The following MAGEC3 variants were observed in gnomAD, a reference collection of about 807,000 sequenced individuals.
The protein encoded by MAGEC3 is MAGE family member C3.
MAGEC3 carries 34 observed loss-of-function variants against 35.3 expected under a neutral mutation model. That is an observed-to-expected ratio of 0.96 (90% CI 0.73 to 1.28). The LOEUF is 1.28. Ranked by LOEUF, MAGEC3 falls within the 50% of genes most tolerant of loss-of-function variation. The pLI is 0.00. For synonymous variants in MAGEC3, 202 were observed against 185.6 expected, an observed-to-expected ratio of 1.09 and a Z score of -0.72; for missense variants, 561 against 483.6, an observed-to-expected ratio of 1.16 and a Z score of -1.50.
At position 141,897,024 on chromosome X, in the gene MAGEC3, T is replaced by G; in HGVS notation, c.1266T>G (p.Pro422=). The stretch of plus-strand genomic sequence containing the variant: ...GTCCTCTAGACTCCTGCTCATCCCC[T>G]CTTTTGTGGACCCGATTGGATGAGG... ...PQSPLDSCSS[P]LLWTRLDEES... Residue 422 remains proline, a synonymous_variant, in exon 7 of 8, where the codon CCT becomes CCG. Transcript: ENST00000298296. The G allele has an allele frequency of 4.1e-6, 5 of 1,211,079 alleles. No homozygotes were observed. The highest frequency in any genetic ancestry group is 5.6e-6 in the Non-Finnish European group (5 of 895,247).
At chrX:141,874,732 T>G (rs1360529185) in intron 2 of MAGEC3, among the ~76,000 whole-genome samples, 1 of 109,672 alleles carries the variant, frequency 9.1e-6, no homozygotes, top group Non-Finnish European at 1.9e-5. Context: ...GTACCCTCAG[T>G]CATTGCTGAT....
intron 4 of MAGEC3, among the ~76,000 whole-genome samples, chrX:141,884,436 G>T (rs959883324): frequency 9.0e-5 from 10 of 111,251 alleles, no homozygotes; most frequent in African/African-American, 3.3e-4. Flanking sequence ...GGGACCTCAC[G>T]ATCATGGGAG....
At chrX:141,885,059 A>T (rs373471590) in intron 4 of MAGEC3, among the ~76,000 whole-genome samples, 3 of 111,756 alleles carry the variant, frequency 2.7e-5, no homozygotes, top group Non-Finnish European at 5.6e-5. Context: ...GCCAGGCAAG[A>T]TAGTGTTGCT....
At chrX:141,847,889 A>G (rs925198956) in intron 1 of MAGEC3, among the ~76,000 whole-genome samples, 32 of 111,327 alleles carry the variant, frequency 2.9e-4, no homozygotes, top group Non-Finnish European at 1.9e-4. Context: ...AAGAAAAAAC[A>G]AAGTAAATAC....
At chrX:141,883,315 A>G (rs968941115) in intron 4 of MAGEC3, among the ~76,000 whole-genome samples, 1 of 112,430 alleles carries the variant, frequency 8.9e-6, no homozygotes, top group Non-Finnish European at 1.9e-5. Flanking sequence ...GGGCAACTGT[A>G]AGCAAGGGCT....
rs1444869639 is a variant in MAGEC3, at chrX:141,838,785, C to T, written c.123+347C>T. On this transcript the variant is annotated intron_variant, in intron 1 of 7. Coordinates refer to ENST00000298296, the MANE Select transcript of MAGEC3 (RefSeq NM_138702.1). The stretch of plus-strand genomic sequence containing the variant: ...AAAGCAGCAGCCCACGCCTTCGTCC[C>T]ACCTCTGCACCAGATGCTGTAGTCT... The T allele has an allele frequency of 5.3e-6, 4 of 751,625 alleles. No homozygotes were observed. The African/African-American group carries it at 9.3e-5, about 18-fold the overall frequency. The allele number at this position is 751,625 out of a possible 1,213,427, so 61.9% of individuals were successfully genotyped here. A position where few individuals can be genotyped will look rare whatever the true frequency, so the allele number is the denominator to read the frequency against.
chrX:141,868,678 A>T (rs1212651363), intron 2 of MAGEC3, among the ~76,000 whole-genome samples: 1 of 109,421 alleles, frequency 9.1e-6, no homozygotes, highest in Non-Finnish European at 1.9e-5. Context: ...AGTTGGGCAA[A>T]TTTTTTTTCT....
intron 4 of MAGEC3, among the ~76,000 whole-genome samples, chrX:141,886,014 T>A (rs1328852224): frequency 9.0e-6 from 1 of 111,093 alleles, no homozygotes. Flanking sequence ...AACTAAAAAA[T>A]TTAAATGCAA....
intron 4 of MAGEC3, 63 bp from the exon 5 acceptor site, chrX:141,895,206 G>C: frequency 8.9e-7 from 1 of 1,120,263 alleles, no homozygotes; most frequent in Non-Finnish European, 1.2e-6. Context: ...GAAGGAGGCG[G>C]AGAGGTGGGG....
At chrX:141,859,127 CA>C (rs1463438759) in intron 1 of MAGEC3, among the ~76,000 whole-genome samples, 1 of 108,648 alleles carries the variant, frequency 9.2e-6, no homozygotes, top group Admixed American at 9.9e-5. Flanking sequence ...AACCCTAGAG[CA>C]TTTTGTACCT....
rs1312693256 is a variant in MAGEC3, at chrX:141,897,619, G to A, written c.1729-10G>A. On this transcript the variant is annotated splice_polypyrimidine_tract_variant and intron_variant, in intron 7 of 7. Coordinates refer to ENST00000298296, the MANE Select transcript of MAGEC3 (RefSeq NM_138702.1). ...TCCTCCACGTTATGAATTTTTGTGG[G>A]GTCCAAGAGCCCATTCAGAGGCCAG... The A allele has an allele frequency of 2.5e-6, 3 of 1,201,558 alleles. No homozygotes were observed. Among genetic ancestry groups the A allele is most frequent in the Non-Finnish European group, 3.4e-6 (3 of 891,366 alleles).
intron 2 of MAGEC3, among the ~76,000 whole-genome samples, chrX:141,869,113 T>A (rs4825037): frequency 1.8e-5 from 2 of 108,412 alleles, no homozygotes; most frequent in African/African-American, 6.7e-5. Context: ...CTCGATCTCC[T>A]GATCTCGTAA....
intron 1 of MAGEC3, among the ~76,000 whole-genome samples, chrX:141,856,727 A>G (rs1463371393): frequency 8.9e-6 from 1 of 111,905 alleles, no homozygotes; most frequent in African/African-American, 3.2e-5. Flanking sequence ...TTCAGCCATA[A>G]AAAGAAGGAA....
Position 141,881,729 on chromosome X carries a change from G to A in MAGEC3, c.842G>A (p.Ser281Asn), listed in dbSNP as rs755507489. ...AACCGCCTCCTGATTCTTATTCTGAGTGTGATCTTCATAAAGGGCAACTGT... is the reference window on the plus strand; with the variant it reads ...AACCGCCTCCTGATTCTTATTCTGAATGTGATCTTCATAAAGGGCAACTGT... Reference protein sequence around the residue: ...PQNRLLILILSVIFIKGNCAS... With the variant: ...PQNRLLILILNVIFIKGNCAS... The change falls in exon 4 of 8, where the codon AGT becomes AAT. Residue 281 changes from serine to asparagine, a missense_variant. Ser to Asn is a conservative substitution (Grantham distance 46, BLOSUM62 1). Transcript: ENST00000298296. 67 of 1,209,709 alleles carry A rather than the reference G, an allele frequency of 5.5e-5. No individual in the cohort carries two copies. Among genetic ancestry groups the A allele is most frequent in the South Asian group, 1.1e-4 (6 of 56,768 alleles).
At chrX:141,868,120 C>T (rs2017862813) in intron 2 of MAGEC3, among the ~76,000 whole-genome samples, 1 of 107,089 alleles carries the variant, frequency 9.3e-6, no homozygotes, top group African/African-American at 3.4e-5. Context: ...GAGACTCCGC[C>T]TTCAAAAAAA....
Position 141,852,685 on chromosome X carries a change from G to A in MAGEC3, c.124-12786G>A, listed in dbSNP as rs113187922. Among the ~76,000 whole-genome samples the A allele has an allele frequency of 3.7e-3, 413 of 110,477 alleles. 1 individual carries two copies. The highest frequency in any genetic ancestry group is 0.013 in the African/African-American group (385 of 30,546). ...TAGATTTGGTGAAATTTCTTTCCAC[G>A]TCTATTAAGATGATTGTTCTTTATT... On this transcript the variant is annotated intron_variant, in intron 1 of 7. Coordinates refer to ENST00000298296, the MANE Select transcript of MAGEC3 (RefSeq NM_138702.1).
intron 1 of MAGEC3, among the ~76,000 whole-genome samples, chrX:141,846,681 C>G (rs765235901): frequency 9.0e-6 from 1 of 111,167 alleles, no homozygotes; most frequent in East Asian, 2.8e-4. Context: ...TCTGGTTCAA[C>G]AATATCTCAA....
intron 2 of MAGEC3, among the ~76,000 whole-genome samples, chrX:141,872,123 A>G (rs918667081): frequency 2.7e-5 from 3 of 111,151 alleles, no homozygotes; most frequent in Non-Finnish European, 5.7e-5. Context: ...AAAAAGGCTG[A>G]AAATAGAGAA....
intron 1 of MAGEC3, among the ~76,000 whole-genome samples, chrX:141,852,623 T>TTAGGAATA (rs2017758143): frequency 9.0e-6 from 1 of 110,838 alleles, no homozygotes; most frequent in African/African-American, 3.3e-5. Flanking sequence ...CCTAGTTTGT[T>TTAGGAATA]GAGTTGTTTT....
Sources: allele counts gnomAD v4.1 joint callset (sites outside exome capture counted in the v4.1 genomes callset), GRCh38; gene constraint gnomAD v4.1.1; transcripts MANE v1.5; gene names NCBI Gene and HGNC (gene_info 2026-07-23, HGNC 2026-07-21).